PSEN2: variants seen among roughly 807,000 people sequenced by gnomAD.
PSEN2 encodes presenilin 2.
In PSEN2, 32 loss-of-function variants were observed where a neutral mutation model predicts 49.1. The observed-to-expected ratio is 0.65, with a 90% CI of 0.49 to 0.88. The LOEUF (loss-of-function observed/expected upper bound fraction) is 0.88, where lower values mean the gene tolerates loss of function less well. Ranked by LOEUF, PSEN2 falls within the 40% of genes least tolerant of loss-of-function variation. The pLI is 0.00. For synonymous variants in PSEN2, 255 were observed against 244.0 expected, an observed-to-expected ratio of 1.05 and a Z score of -0.42; for missense variants, 522 against 586.9, an observed-to-expected ratio of 0.89 and a Z score of 1.14.
At chr1:226,880,574 G>A (rs1220259155) in intron 3 of PSEN2, 2 of 1,606,840 alleles carry the variant, frequency 1.2e-6, no homozygotes, top group Admixed American at 1.7e-5. Flanking sequence ...TCTGGACAGC[G>A]ATCACTCAGC....
intron 3 of PSEN2, chr1:226,880,753 T>C (rs1201012862): frequency 1.2e-6 from 2 of 1,612,604 alleles, no homozygotes; most frequent in East Asian, 2.2e-5. Context: ...TTGGTACTAC[T>C]GTGTGAAACC....
At chr1:226,881,697 G>A (rs913505239) in intron 3 of PSEN2, among the ~76,000 whole-genome samples, 191 bp from the exon 4 acceptor site, 4 of 152,200 alleles carry the variant, frequency 2.6e-5, no homozygotes, top group Non-Finnish European at 4.4e-5. Context: ...AGGCAAGGCC[G>A]CTGCTGCCTC....
chr1:226,876,865 A>T (rs553958149), intron 3 of PSEN2, among the ~76,000 whole-genome samples: 85 of 152,304 alleles, frequency 5.6e-4, no homozygotes, highest in Non-Finnish European at 9.1e-4. Context: ...TTGTCCAGGT[A>T]GTGACTGAGA....
At chr1:226,872,789 A>C (rs7523790) in intron 2 of PSEN2, among the ~76,000 whole-genome samples, 11,729 of 152,234 alleles carry the variant, frequency 0.077, 1,202 homozygotes, top group African/African-American at 0.24. Flanking sequence ...AGCTGCGGAA[A>C]GGCGGGGGTG....
In PSEN2 at chr1:226,888,359, A is replaced by G. The variant is rs79822981; in HGVS notation, c.566+201A>G. Among the ~76,000 whole-genome samples, 5,985 of 152,154 alleles carry G rather than the reference A, an allele frequency of 0.039. 246 individuals are homozygous for G. The highest frequency in any genetic ancestry group is 0.16 in the East Asian group (820 of 5,158). On this transcript the variant is annotated intron_variant, in intron 7 of 12. Transcript: ENST00000366783. Reference sequence around the variant, plus strand: ...GAGTGGAAGTGGGGCTGCATGGTGGACCACATGTTTCTGTCTCGTTCCTGA... The same window carrying G: ...GAGTGGAAGTGGGGCTGCATGGTGGGCCACATGTTTCTGTCTCGTTCCTGA...
Position 226,891,657 on chromosome 1 carries a change from G to C in PSEN2, c.971-86G>C, listed in dbSNP as rs1661756907. The C allele has an allele frequency of 2.4e-6, 3 of 1,260,642 alleles. No individual in the cohort carries two copies. The Admixed American group carries it at 5.1e-5, about 22-fold the overall frequency. 78.1% of individuals were successfully genotyped at this position (1,260,642 alleles called of 1,614,324 possible). ...CCCCTTCTTGGAGCTTTGTTCCCTGGTAACACTCTGACCAGCTGTTGTTTC... is the reference window on the plus strand; with the variant it reads ...CCCCTTCTTGGAGCTTTGTTCCCTGCTAACACTCTGACCAGCTGTTGTTTC... On this transcript the variant is annotated intron_variant, in intron 10 of 12. Transcript: ENST00000366783.
intron 10 of PSEN2, 71 bp downstream of exon 10, chr1:226,891,432 C>T (rs909865460): frequency 3.5e-5 from 48 of 1,384,674 alleles, no homozygotes; most frequent in African/African-American, 4.3e-5. Context: ...CAGCTCTGCT[C>T]GGCCTGGCTT....
chr1:226,902,234 A>T (rs553097847), intron 12 of PSEN2, among the ~76,000 whole-genome samples: 1 of 152,198 alleles, frequency 6.6e-6, no homozygotes, highest in Admixed American at 6.5e-5. Flanking sequence ...TCGAGGTCCT[A>T]TGAGAATCCG....
At chr1:226,892,470 A>G (rs573240121) in intron 11 of PSEN2, among the ~76,000 whole-genome samples, 200 of 152,276 alleles carry the variant, frequency 1.3e-3, no homozygotes, top group Non-Finnish European at 2.1e-3. Flanking sequence ...CCTAACACCC[A>G]ATGCCAGCCC....
At chr1:226,902,987 G>A (rs1184826783) in intron 12 of PSEN2, among the ~76,000 whole-genome samples, 1 of 151,216 alleles carries the variant, frequency 6.6e-6, no homozygotes, top group African/African-American at 2.5e-5. Flanking sequence ...AAATATTTGG[G>A]GAATCAGGAA....
intron 11 of PSEN2, among the ~76,000 whole-genome samples, chr1:226,893,099 A>ATT (rs10693643): frequency 0.049 from 7,389 of 152,096 alleles, 598 homozygotes; most frequent in African/African-American, 0.17. Flanking sequence ...CACCTGGCTC[A>ATT]TTTATATTTT....
chr1:226,883,999 G>A, intron 5 of PSEN2, 80 bp downstream of exon 5: 2 of 1,243,872 alleles, frequency 1.6e-6, no homozygotes, highest in South Asian at 2.6e-5. Flanking sequence ...GCCTGTGTTG[G>A]TCACTGTACC....
intron 6 of PSEN2, among the ~76,000 whole-genome samples, chr1:226,887,003 G>A (rs964793855): frequency 2.0e-5 from 3 of 152,178 alleles, no homozygotes; most frequent in Admixed American, 6.5e-5. Context: ...GAACATTGCC[G>A]CTGGGAGGTT....
intron 2 of PSEN2, among the ~76,000 whole-genome samples, chr1:226,874,254 C>A (rs1660485484): frequency 6.6e-6 from 1 of 152,128 alleles, no homozygotes. Flanking sequence ...GGGTACGTGA[C>A]CCTCACAAGT....
chr1:226,879,694 C>A (rs1386679126), intron 3 of PSEN2, among the ~76,000 whole-genome samples: 1 of 152,218 alleles, frequency 6.6e-6, no homozygotes, highest in Admixed American at 6.5e-5. Flanking sequence ...GCTTCACATC[C>A]CTCTTACTTC....
intron 3 of PSEN2, among the ~76,000 whole-genome samples, chr1:226,881,479 A>G (rs1311545283): frequency 1.3e-5 from 2 of 152,198 alleles, no homozygotes; most frequent in African/African-American, 2.4e-5. Context: ...CATTTGTCAC[A>G]TTAGATGATT....
At chr1:226,889,234 T>C (rs903147082) in intron 8 of PSEN2, among the ~76,000 whole-genome samples, 185 bp downstream of exon 8, 1 of 151,730 alleles carries the variant, frequency 6.6e-6, no homozygotes, top group African/African-American at 2.4e-5. Flanking sequence ...TCTGGAACAC[T>C]CCTGGTGGTC....
rs542892604 is a variant in PSEN2 at position 226,895,790 on chromosome 1, C to G, written c.*211C>G. Reference sequence around the variant, plus strand: ...GGCTCCCGCTTTGGGGAGCGCCTCGCTTCACGGACAGGAAGCACAGCAGGT... The same window carrying G: ...GGCTCCCGCTTTGGGGAGCGCCTCGGTTCACGGACAGGAAGCACAGCAGGT... On this transcript the variant is annotated 3_prime_UTR_variant, in exon 13 of 13. Transcript: ENST00000366783. 6.5e-6 allele frequency: 4 copies of G among 611,648 alleles called. No homozygotes were observed. Among genetic ancestry groups the G allele is most frequent in the Non-Finnish European group, 1.1e-5 (4 of 350,240 alleles). 37.9% of individuals were successfully genotyped at this position (611,648 alleles called of 1,614,324 possible).
At chr1:226,893,718 T>C (rs1661910350) in intron 11 of PSEN2, among the ~76,000 whole-genome samples, 1 of 152,246 alleles carries the variant, frequency 6.6e-6, no homozygotes, top group African/African-American at 2.4e-5. Context: ...TTTGTTGTTT[T>C]CTTTACTCTC....
Sources: gnomAD v4.1 joint callset for allele counts (sites outside exome capture counted in the v4.1 genomes callset) on GRCh38, gnomAD v4.1.1 for gene constraint, MANE v1.5 for transcripts, NCBI Gene and HGNC (gene_info 2026-07-23, HGNC 2026-07-21) for gene names.